Variants in ADAM10 observed in about 807,000 individuals in gnomAD.
ADAM10 encodes the protein disintegrin and metalloproteinase domain-containing protein 10.
In ADAM10, 17 loss-of-function variants were observed where a neutral mutation model predicts 90.1. The observed-to-expected ratio is 0.19, with a 90% confidence interval of 0.13 to 0.28. The LOEUF (loss-of-function observed/expected upper bound fraction) is 0.28, where lower values mean the gene tolerates loss of function less well. Among genes scored for constraint, ADAM10 ranks in the 10% least tolerant of loss-of-function variants. The pLI, the probability that ADAM10 is intolerant of heterozygous loss-of-function variation, is 1.00. For missense variants in ADAM10, 610 were observed against 914.3 expected, an observed-to-expected ratio of 0.67 and a Z score of 4.29; for synonymous variants, 310 against 298.6, an observed-to-expected ratio of 1.04 and a Z score of -0.40.
chr15:58,683,532 T>A (rs139465840), intron 2 of ADAM10, among the ~76,000 whole-genome samples: 34 of 152,214 alleles, frequency 2.2e-4, no homozygotes, highest in African/African-American at 8.2e-4. Flanking sequence ...GTAAGTGAAA[T>A]TACTTCCATA....
chr15:58,686,565 T>A, intron 2 of ADAM10: 2 of 1,317,948 alleles, frequency 1.5e-6, no homozygotes, highest in Non-Finnish European at 2.2e-6. Flanking sequence ...CTGGTGGGTG[T>A]TCTAGCTGGA....
At chr15:58,654,970 G>A (rs1025180408) in intron 5 of ADAM10, among the ~76,000 whole-genome samples, 3 of 152,170 alleles carry the variant, frequency 2.0e-5, no homozygotes, top group Non-Finnish European at 2.9e-5. Context: ...GTATTCTGCA[G>A]CCATTGGAAG....
In ADAM10 at chr15:58,589,808, G is replaced by A. The variant is rs1894788256; in HGVS notation, c.*7739C>T. 6.6e-6 allele frequency: 1 copy of A among 152,124 alleles called. No homozygotes were observed. The highest frequency in any genetic ancestry group is 1.5e-5 in the Non-Finnish European group (1 of 68,034). The allele number at this position is 152,124 out of a possible 1,614,324, so 9.4% of individuals were successfully genotyped here. On this transcript the variant is annotated 3_prime_UTR_variant, in exon 16 of 16. Transcript: ENST00000260408. ...CTAGGTGTCTTAATCCTAAATTTATGATAGTCATGATACAGACGCCCAGGT... is the reference window on the plus strand; with the variant it reads ...CTAGGTGTCTTAATCCTAAATTTATAATAGTCATGATACAGACGCCCAGGT...
chr15:58,665,953 AT>A (rs1481262597), intron 4 of ADAM10, among the ~76,000 whole-genome samples: 1 of 151,518 alleles, frequency 6.6e-6, no homozygotes, highest in African/African-American at 2.4e-5. Context: ...TTCTCCAATG[AT>A]TTTTTCCTAC....
chr15:58,721,999 G>A (rs1037443206), intron 1 of ADAM10, among the ~76,000 whole-genome samples: 18 of 152,032 alleles, frequency 1.2e-4, no homozygotes, highest in Non-Finnish European at 5.9e-5. Flanking sequence ...TTGCAATCCA[G>A]CCTGGGTGAC....
intron 10 of ADAM10, among the ~76,000 whole-genome samples, chr15:58,626,507 CA>C: frequency 6.6e-6 from 1 of 151,900 alleles, no homozygotes; most frequent in Non-Finnish European, 1.5e-5. Flanking sequence ...CACACACACA[CA>C]AAAAAACCCT....
intron 9 of ADAM10, among the ~76,000 whole-genome samples, chr15:58,629,624 G>A (rs1396699632): frequency 1.3e-5 from 2 of 152,088 alleles, no homozygotes; most frequent in African/African-American, 4.8e-5. Context: ...CTATAAGAAA[G>A]AAAATTAAGA....
intron 4 of ADAM10, among the ~76,000 whole-genome samples, chr15:58,675,353 T>TA (rs1443145724): frequency 7.2e-5 from 11 of 152,158 alleles, no homozygotes; most frequent in Admixed American, 2.6e-4. Context: ...AAGTATAGAA[T>TA]AAAAAAATTA....
intron 4 of ADAM10, among the ~76,000 whole-genome samples, chr15:58,669,579 T>C (rs189483184): frequency 3.0e-4 from 46 of 152,266 alleles, no homozygotes; most frequent in South Asian, 1.7e-3. Context: ...GCCCCCTCTC[T>C]AGAGCTCAGG....
intron 3 of ADAM10, among the ~76,000 whole-genome samples, chr15:58,680,463 T>C (rs1466360923): frequency 1.3e-5 from 2 of 152,204 alleles, no homozygotes; most frequent in African/African-American, 4.8e-5. Flanking sequence ...AAATATTTCA[T>C]GGGCACTTTG....
chr15:58,610,422 C>T lies in ADAM10; in HGVS notation c.1900G>A (p.Asp634Asn), dbSNP rs1895406490. ...AAAACATCACAGTAACCTCTAAAATCGTTGCAAGGGGATCCAGGTTGCAGG... is the reference window on the plus strand; with the variant it reads ...AAAACATCACAGTAACCTCTAAAATTGTTGCAAGGGGATCCAGGTTGCAGG... ...ITLQPGSPCN[D>N]FRGYCDVFMR... is the part of the protein sequence containing the mutation. The change falls in exon 14 of 16, where the codon GAT (aspartate) becomes AAT (asparagine). Residue 634 changes from aspartate (D) to asparagine (N), a missense_variant. By Grantham distance (23) the Asp-to-Asn change is conservative (BLOSUM62 1). Coordinates refer to ENST00000260408, the MANE Select transcript of ADAM10 (RefSeq NM_001110.4). The T allele has an allele frequency of 6.2e-7, 1 of 1,614,060 alleles. No individual in the cohort carries two copies. The highest frequency in any genetic ancestry group is 1.3e-5 in the African/African-American group (1 of 74,920).
intron 2 of ADAM10, among the ~76,000 whole-genome samples, chr15:58,684,928 G>A (rs1381750037): frequency 6.6e-6 from 1 of 152,166 alleles, no homozygotes; most frequent in African/African-American, 2.4e-5. Context: ...CCCACTTGGT[G>A]TCTGGAGAAT....
intron 14 of ADAM10, chr15:58,609,507 A>AAC (rs1413403089): frequency 6.6e-6 from 1 of 151,900 alleles, no homozygotes; most frequent in East Asian, 1.9e-4. Flanking sequence ...CATAGTTCTG[A>AAC]ACACACACAT....
At chr15:58,690,370 A>T (rs959449809) in intron 2 of ADAM10, among the ~76,000 whole-genome samples, 1 of 152,214 alleles carries the variant, frequency 6.6e-6, no homozygotes, top group African/African-American at 2.4e-5. Context: ...ACTCTGTAAC[A>T]TTAAGTATGA....
At chr15:58,691,676 C>CTTTTTTTTTTTT (rs71116587) in intron 2 of ADAM10, 15 of 231,882 alleles carry the variant, frequency 6.5e-5, no homozygotes, top group African/African-American at 4.4e-4. Context: ...ACTTCTTCTT[C>CTTTTTTTTTTTT]TTTTTTTTTT....
intron 4 of ADAM10, among the ~76,000 whole-genome samples, chr15:58,674,869 G>A (rs764576086): frequency 6.6e-6 from 1 of 152,202 alleles, no homozygotes; most frequent in Admixed American, 6.5e-5. Flanking sequence ...ACATTCTAAA[G>A]TAGGGGTGCC....
chr15:58,627,487 A>C (rs1473317398), intron 10 of ADAM10, among the ~76,000 whole-genome samples: 1 of 152,216 alleles, frequency 6.6e-6, no homozygotes, highest in African/African-American at 2.4e-5. Context: ...TTAGGTGTGA[A>C]GTATACTGAT....
At chr15:58,638,431 C>T (rs1308770733) in intron 8 of ADAM10, among the ~76,000 whole-genome samples, 1 of 151,344 alleles carries the variant, frequency 6.6e-6, no homozygotes, top group African/African-American at 2.4e-5. Context: ...CTGGCTAACA[C>T]GGTGAAACCC....
At chr15:58,646,263 A>C in intron 5 of ADAM10, 59 bp from the exon 6 acceptor site, 1 of 1,495,896 alleles carries the variant, frequency 6.7e-7, no homozygotes, top group Non-Finnish European at 9.1e-7. Context: ...CATTTTATCT[A>C]ATTAAGAATA....
Sources: allele counts gnomAD v4.1 joint callset (sites outside exome capture counted in the v4.1 genomes callset), GRCh38; gene constraint gnomAD v4.1.1; transcripts MANE v1.5; gene names NCBI Gene and HGNC (gene_info 2026-07-23, HGNC 2026-07-21).